BIRC6: variants seen among roughly 807,000 people sequenced by gnomAD.
The protein encoded by BIRC6 is baculoviral IAP repeat containing 6.
BIRC6 carries 98 observed loss-of-function variants against 503.3 expected under a neutral mutation model. The ratio of observed to expected loss-of-function variants is 0.19; its 90% CI spans 0.17 to 0.23. The LOEUF (loss-of-function observed/expected upper bound fraction) is 0.23, where lower values mean the gene tolerates loss of function less well. Ranked by LOEUF, BIRC6 falls within the 10% of genes least tolerant of loss-of-function variation. BIRC6 has a pLI of 1.00. For missense variants in BIRC6, 5,360 were observed against 5,806.0 expected (o/e 0.92, Z 2.50); for synonymous variants, 2,240 against 2,078.7 (o/e 1.08, Z -2.11).
intron 65 of BIRC6, chr2:32,564,638 A>G (rs993117282): frequency 3.9e-5 from 6 of 152,224 alleles, no homozygotes; most frequent in African/African-American, 4.8e-5. Context: ...CTATTCACCT[A>G]TCCTTTCCAG....
chr2:32,470,479 T>C (rs971329340), intron 31 of BIRC6, among the ~76,000 whole-genome samples, 178 bp downstream of exon 31: 2 of 151,566 alleles, frequency 1.3e-5, no homozygotes, highest in Non-Finnish European at 2.9e-5. Flanking sequence ...GTTAATACTT[T>C]TAAAATTTAT....
At position 32,547,991 on chromosome 2, in the gene BIRC6, G is replaced by C; in HGVS notation, c.12952G>C (p.Glu4318Gln). 3 of 1,606,736 alleles carry C rather than the reference G, an allele frequency of 1.9e-6. No homozygotes were observed. The highest frequency in any genetic ancestry group is 2.5e-6 in the Non-Finnish European group (3 of 1,177,636). Residue 4318 changes from glutamate to glutamine, a missense_variant, in exon 64 of 74, where the codon GAA (glutamate) becomes CAA (glutamine). Glu to Gln is a conservative substitution (Grantham distance 29, BLOSUM62 2). This residue lies in a region of BIRC6 where 477 missense variants were observed against 574.4 expected (regional missense o/e 0.83). Transcript: ENST00000421745. ...CTTAACTAAGCAAAGGCTGGAAGAG[G>C]AACATGTTACCTGCCTTCTGCAGGT... ...QALTKQRLEEEHVTCLLQVLA... is the reference protein window; with the variant it reads ...QALTKQRLEEQHVTCLLQVLA...
chr2:32,523,914 T>C (rs998063598), intron 57 of BIRC6, among the ~76,000 whole-genome samples: 1 of 152,140 alleles, frequency 6.6e-6, no homozygotes, highest in African/African-American at 2.4e-5. Context: ...ATTCATGGCA[T>C]GTGCCTGTGG....
At chr2:32,462,870 C>G (rs1027674147) in intron 23 of BIRC6, among the ~76,000 whole-genome samples, 2 of 151,538 alleles carry the variant, frequency 1.3e-5, no homozygotes, top group African/African-American at 4.9e-5. Flanking sequence ...GCACAAGAAT[C>G]TCTTGAACCC....
chr2:32,549,079 T>C (rs553950813), intron 64 of BIRC6: 31 of 316,748 alleles, frequency 9.8e-5, no homozygotes, highest in African/African-American at 6.2e-4. Context: ...GTAGTTGTAT[T>C]GCTTTTATAT....
chr2:32,414,623 C>T (rs1308677693), intron 9 of BIRC6, 146 bp from the exon 10 acceptor site: 12 of 539,416 alleles, frequency 2.2e-5, no homozygotes, highest in Non-Finnish European at 3.4e-5. Flanking sequence ...GCCGAAATTG[C>T]ACCACTGCAC....
rs2039294655 is a variant in BIRC6, at chr2:32,392,023, G to A, written c.840-16G>A. Reference sequence around the variant, plus strand: ...TGATGCCTAACTTCAATTACATAAAGTATGTTTACTTTTAGATCACTGATG... The same window carrying A: ...TGATGCCTAACTTCAATTACATAAAATATGTTTACTTTTAGATCACTGATG... On this transcript the variant is annotated splice_polypyrimidine_tract_variant and intron_variant, in intron 4 of 73. Coordinates refer to ENST00000421745, the MANE Select transcript of BIRC6 (RefSeq NM_016252.4). 2.0e-6 allele frequency: 3 copies of A among 1,474,706 alleles called. No homozygotes were observed. Among genetic ancestry groups the A allele is most frequent in the Non-Finnish European group, 2.8e-6 (3 of 1,082,320 alleles). The allele number at this position is 1,474,706 out of a possible 1,614,324, so 91.4% of individuals were successfully genotyped here. A position where few individuals can be genotyped will look rare whatever the true frequency, so the allele number is the denominator to read the frequency against.
chr2:32,562,983 C>A (rs906717881), intron 65 of BIRC6, among the ~76,000 whole-genome samples: 3 of 152,164 alleles, frequency 2.0e-5, no homozygotes, highest in Non-Finnish European at 4.4e-5. Flanking sequence ...TCTTAATTGT[C>A]GCAGCATTAT....
chr2:32,570,225 G>T (rs1490041667), intron 65 of BIRC6, among the ~76,000 whole-genome samples: 1 of 152,126 alleles, frequency 6.6e-6, no homozygotes, highest in Non-Finnish European at 1.5e-5. Context: ...ATTTGTGTGT[G>T]TTGAACCATC....
At chr2:32,609,054 T>C (rs2062670088) in intron 72 of BIRC6, among the ~76,000 whole-genome samples, 1 of 151,728 alleles carries the variant, frequency 6.6e-6, no homozygotes, top group African/African-American at 2.4e-5. Flanking sequence ...TAATTTTTTT[T>C]GTATTTTTTA....
At chr2:32,519,936 A>G (rs1480477839) in intron 57 of BIRC6, among the ~76,000 whole-genome samples, 2 of 152,246 alleles carry the variant, frequency 1.3e-5, no homozygotes, top group Non-Finnish European at 2.9e-5. Context: ...GATTATAAAC[A>G]TGAGCAAGAC....
intron 71 of BIRC6, among the ~76,000 whole-genome samples, chr2:32,605,392 TAAATA>T (rs1183428843): frequency 2.0e-5 from 3 of 152,328 alleles, no homozygotes; most frequent in Middle Eastern, 3.4e-3. Flanking sequence ...TGAGGTTAAA[TAAATA>T]AAAGAGTCCT....
At chr2:32,546,958 A>G (rs1288847305) in intron 63 of BIRC6, among the ~76,000 whole-genome samples, 15 of 152,128 alleles carry the variant, frequency 9.9e-5, no homozygotes, top group Non-Finnish European at 1.5e-5. Context: ...TCACACCTAT[A>G]TTCCTAGCTA....
At chr2:32,404,209 C>A (rs1006382321) in intron 8 of BIRC6, among the ~76,000 whole-genome samples, 1 of 580 alleles carries the variant, frequency 1.7e-3, no homozygotes, top group Non-Finnish European at 3.7e-3. Context: ...GGATTACAGG[C>A]GTGAGCACCA....
At chr2:32,543,140 A>G in intron 61 of BIRC6, 101 bp from the exon 62 acceptor site, 1 of 1,275,558 alleles carries the variant, frequency 7.8e-7, no homozygotes, top group Non-Finnish European at 1.1e-6. Context: ...ATTAATCCTT[A>G]TAATCCTATA....
At chr2:32,532,241 G>A (rs774509267) in intron 61 of BIRC6, 4 of 526,238 alleles carry the variant, frequency 7.6e-6, no homozygotes, top group Non-Finnish European at 7.8e-6. Flanking sequence ...TACCACAAAC[G>A]GGCTGGCTTA....
intron 61 of BIRC6, among the ~76,000 whole-genome samples, chr2:32,541,894 CT>C (rs1010634023): frequency 4.6e-4 from 70 of 152,094 alleles, no homozygotes; most frequent in African/African-American, 1.5e-3. Flanking sequence ...GTACTATAAA[CT>C]GCAAATCTTA....
rs529049829 is a variant in BIRC6 at position 32,442,297 on chromosome 2, G to T, written c.4107-27G>T. ...TGTTATGATTGAAAGTTCAGGATGA[G>T]TCTAAATGTCTGCTATTGTTTTGCA... On this transcript the variant is annotated intron_variant, in intron 18 of 73. Transcript: ENST00000421745. The T allele has an allele frequency of 2.4e-5, 39 of 1,612,456 alleles. No individual in the cohort carries two copies. In the South Asian group the frequency reaches 4.1e-4, roughly 17 times the overall value.
intron 65 of BIRC6, among the ~76,000 whole-genome samples, chr2:32,555,457 G>A (rs1313819122): frequency 1.3e-5 from 2 of 151,950 alleles, no homozygotes; most frequent in Middle Eastern, 3.4e-3. Flanking sequence ...TGACCAACAC[G>A]GTGAAACCCC....
Sources: allele counts gnomAD v4.1 joint callset (sites outside exome capture counted in the v4.1 genomes callset), GRCh38; gene constraint gnomAD v4.1.1; regional missense constraint gnomAD v4.1.1; transcripts MANE v1.5; gene names NCBI Gene and HGNC (gene_info 2026-07-23, HGNC 2026-07-21).